The following TAOK1 variants were observed in gnomAD, a reference collection of about 807,000 sequenced individuals.
TAOK1 encodes the protein serine/threonine-protein kinase TAO1.
A neutral mutation model predicts 138.3 loss-of-function variants in TAOK1; 21 were observed. The ratio of observed to expected loss-of-function variants is 0.15; its 90% CI spans 0.11 to 0.22. TAOK1 has a LOEUF of 0.22. TAOK1 is among the 10% of genes least tolerant of loss of function. The pLI is 1.00. For missense variants in TAOK1, 651 were observed against 1,227.7 expected, an observed-to-expected ratio of 0.53 and a Z score of 7.02; for synonymous variants, 361 against 398.4, an observed-to-expected ratio of 0.91 and a Z score of 1.12.
intron 1 of TAOK1, among the ~76,000 whole-genome samples, chr17:29,411,254 G>T (rs1308246949): frequency 2.0e-5 from 3 of 150,748 alleles, no homozygotes; most frequent in African/African-American, 7.3e-5. Flanking sequence ...ACTACGCCCG[G>T]CTAATTTTTT....
intron 1 of TAOK1, among the ~76,000 whole-genome samples, chr17:29,419,863 A>C (rs1036047802): frequency 1.3e-5 from 2 of 151,960 alleles, no homozygotes; most frequent in African/African-American, 4.8e-5. Context: ...ATGAGTATGT[A>C]AACATAAAAT....
At chr17:29,490,325 G>T (rs2031273311) in intron 9 of TAOK1, among the ~76,000 whole-genome samples, 1 of 151,866 alleles carries the variant, frequency 6.6e-6, no homozygotes, top group African/African-American at 2.4e-5. Context: ...GAGGTTTATG[G>T]ACAACAGATT....
chr17:29,461,918 T>A (rs1232119082), intron 2 of TAOK1, among the ~76,000 whole-genome samples: 1 of 152,114 alleles, frequency 6.6e-6, no homozygotes, highest in Non-Finnish European at 1.5e-5. Flanking sequence ...AACATGTAGA[T>A]GAGGAAAGTT....
chr17:29,395,719 G>A (rs1056159787), intron 1 of TAOK1, among the ~76,000 whole-genome samples: 3 of 148,202 alleles, frequency 2.0e-5, no homozygotes, highest in Admixed American at 6.9e-5. Flanking sequence ...ATGCAATAGC[G>A]TGATCACAGC....
rs58117433 is a variant in TAOK1 at position 29,394,150 on chromosome 17, G to GTTTTTTTTTTTTTTT, written c.-95+3145_-95+3159dup. ...TATGATTTATTTTAATAATTTGCCA[G>GTTTTTTTTTTTTTTT]TTTTTTTTTTTTTTTTTTTTTTTTT... On this transcript the variant is annotated intron_variant, in intron 1 of 19. Transcript: ENST00000261716. Among the ~76,000 whole-genome samples, 11 of 48,278 alleles carry GTTTTTTTTTTTTTTT rather than the reference G, an allele frequency of 2.3e-4. 1 individual carries two copies. The highest frequency in any genetic ancestry group is 5.5e-4 in the African/African-American group (7 of 12,766). 31.7% of individuals were successfully genotyped at this position (48,278 alleles called of 152,430 possible).
At chr17:29,511,090 G>A in intron 15 of TAOK1, 98 bp downstream of exon 15, 2 of 1,176,228 alleles carry the variant, frequency 1.7e-6, no homozygotes, top group Non-Finnish European at 2.3e-6. Flanking sequence ...ATTATCTTTT[G>A]TTGTTTATGG....
rs936742998 is a variant in TAOK1, at chr17:29,500,739, C to CAA, written c.1204-1836_1204-1835dup. ...CTGGTGACAGAATGAGACTCTGTCT[C>CAA]AAAAAAAAAAAAAAACTGTGGTTTT... is the stretch of plus-strand genomic sequence containing the variant. On this transcript the variant is annotated intron_variant, in intron 12 of 19. Transcript: ENST00000261716. 3.9e-4 allele frequency among the ~76,000 whole-genome samples: 34 copies of CAA among 87,562 alleles called. 1 individual carries two copies. The highest frequency in any genetic ancestry group is 2.4e-3 in the South Asian group (6 of 2,492). The allele number at this position is 87,562 out of a possible 152,430, so 57.4% of individuals were successfully genotyped here.
intron 1 of TAOK1, among the ~76,000 whole-genome samples, chr17:29,412,152 C>T (rs910893106): frequency 7.2e-5 from 11 of 152,122 alleles, no homozygotes; most frequent in Non-Finnish European, 4.4e-5. Flanking sequence ...AAGCGATTCT[C>T]CTGCCTCGGC....
intron 1 of TAOK1, among the ~76,000 whole-genome samples, chr17:29,439,856 C>T (rs1906158653): frequency 8.2e-6 from 1 of 122,172 alleles, no homozygotes; most frequent in South Asian, 2.7e-4. Flanking sequence ...GAAAAAGACT[C>T]TGTCTCCTAA....
intron 1 of TAOK1, among the ~76,000 whole-genome samples, chr17:29,405,854 C>T (rs777569060): frequency 2.0e-5 from 3 of 152,002 alleles, no homozygotes; most frequent in African/African-American, 7.2e-5. Flanking sequence ...CAATGACATA[C>T]GTATTTCTTA....
At chr17:29,459,428 C>T (rs1260812875) in intron 2 of TAOK1, among the ~76,000 whole-genome samples, 1 of 151,870 alleles carries the variant, frequency 6.6e-6, no homozygotes, top group African/African-American at 2.4e-5. Context: ...ATTACAGGCG[C>T]CCGCCCCCAC....
At chr17:29,444,257 C>T (rs2030022864) in intron 1 of TAOK1, among the ~76,000 whole-genome samples, 1 of 152,120 alleles carries the variant, frequency 6.6e-6, no homozygotes, top group Non-Finnish European at 1.5e-5. Flanking sequence ...CTGTTTCTTT[C>T]CTGTAGTTTT....
intron 8 of TAOK1, among the ~76,000 whole-genome samples, chr17:29,488,608 AT>A (rs1428993438): frequency 1.3e-4 from 20 of 149,250 alleles, no homozygotes; most frequent in Non-Finnish European, 2.7e-4. Context: ...AATAATAATA[AT>A]TGTTAATTTT....
chr17:29,504,305 GAAGAA>G (rs960437038), intron 13 of TAOK1, among the ~76,000 whole-genome samples: 24 of 138,736 alleles, frequency 1.7e-4, no homozygotes, highest in African/African-American at 3.7e-4. Context: ...AAAAGGAAAG[GAAGAA>G]AAGAAAAGAA....
At chr17:29,481,545 C>T (rs545797843) in intron 7 of TAOK1, among the ~76,000 whole-genome samples, 1 of 152,008 alleles carries the variant, frequency 6.6e-6, no homozygotes, top group South Asian at 2.1e-4. Context: ...GAACCACTGG[C>T]CTAAAGTATA....
chr17:29,397,700 TG>T (rs1159959678), intron 1 of TAOK1, among the ~76,000 whole-genome samples: 5 of 97,450 alleles, frequency 5.1e-5, no homozygotes, highest in East Asian at 1.7e-3. Flanking sequence ...TATTCATGTA[TG>T]CATACATGAA....
At chr17:29,532,336 T>C (rs190864816) in intron 18 of TAOK1, among the ~76,000 whole-genome samples, 1 of 148,048 alleles carries the variant, frequency 6.8e-6, no homozygotes, top group Non-Finnish European at 1.5e-5. Context: ...TCTAGGTTTT[T>C]CTTTTTTGTT....
chr17:29,489,633 T>C, intron 8 of TAOK1, 31 bp from the exon 9 acceptor site: 1 of 1,528,152 alleles, frequency 6.5e-7, no homozygotes, highest in South Asian at 1.2e-5. Context: ...CTGGAACCTA[T>C]TTTAACAGGA....
At position 29,543,543 on chromosome 17, in the gene TAOK1, G is replaced by A. The variant is rs1019798310; in HGVS notation, c.*521G>A. The A allele has an allele frequency of 2.6e-5, 4 of 152,560 alleles. No individual in the cohort carries two copies. The highest frequency in any genetic ancestry group is 9.7e-5 in the African/African-American group (4 of 41,414). The allele number at this position is 152,560 out of a possible 1,614,324, so 9.5% of individuals were successfully genotyped here. A position where few individuals can be genotyped will look rare whatever the true frequency, so the allele number is the denominator to read the frequency against. On this transcript the variant is annotated 3_prime_UTR_variant, in exon 20 of 20. Transcript: ENST00000261716. Reference sequence around the variant, plus strand: ...TACACACCTGCATTGCCTCACCAGTGTATTTATTTGTTATTAAATTGATCT... The same window carrying A: ...TACACACCTGCATTGCCTCACCAGTATATTTATTTGTTATTAAATTGATCT...
Sources: allele counts gnomAD v4.1 joint callset (sites outside exome capture counted in the v4.1 genomes callset), GRCh38; gene constraint gnomAD v4.1.1; transcripts MANE v1.5; gene names NCBI Gene and HGNC (gene_info 2026-07-23, HGNC 2026-07-21).